The following ABCC5 variants were observed in gnomAD, a reference collection of about 807,000 sequenced individuals.
ABCC5 encodes ATP binding cassette subfamily C member 5, also known as ATP-binding cassette sub-family C member 5.
Under a neutral mutation model 160.9 loss-of-function variants are expected in ABCC5, and 61 were observed. That is an observed-to-expected ratio of 0.38 (90% CI 0.31 to 0.47). The LOEUF (loss-of-function observed/expected upper bound fraction) is 0.47, where lower values mean the gene tolerates loss of function less well. Ranked by LOEUF, ABCC5 falls within the 20% of genes least tolerant of loss-of-function variation. The pLI, the probability that ABCC5 is intolerant of heterozygous loss-of-function variation, is 0.99. For missense variants in ABCC5, 1,308 were observed against 1,813.3 expected, an observed-to-expected ratio of 0.72 and a Z score of 5.06; for synonymous variants, 666 against 700.6, an observed-to-expected ratio of 0.95 and a Z score of 0.78.
chr3:184,013,335 A>G (rs900070116), intron 2 of ABCC5, among the ~76,000 whole-genome samples: 2 of 152,070 alleles, frequency 1.3e-5, no homozygotes, highest in Admixed American at 1.3e-4. Flanking sequence ...GGCTCACTGC[A>G]ACCTCTGCCT....
chr3:184,017,628 G>A lies in ABCC5; in HGVS notation c.-56+202C>T, dbSNP rs976178040. Among the ~76,000 whole-genome samples, 4 of 150,178 alleles carry A rather than the reference G, an allele frequency of 2.7e-5. 1 individual carries two copies. Among genetic ancestry groups the A allele is most frequent in the Admixed American group, 1.3e-4 (2 of 15,004 alleles). ...TGCCTGTCTTCCAGCACACGACCCC[G>A]TCACCAGACCCCGGGCTCACAGGCC... On this transcript the variant is annotated intron_variant, in intron 1 of 29. Transcript: ENST00000334444. The surrounding 1 kb of genome is among the most constrained non-coding windows in gnomAD (Gnocchi z 4.5).
chr3:183,925,852 T>A, intron 28 of ABCC5, 133 bp from the exon 29 acceptor site: 2 of 1,061,522 alleles, frequency 1.9e-6, no homozygotes, highest in Non-Finnish European at 1.3e-6. Flanking sequence ...TTTTTTTTTT[T>A]TTTTGAGACG....
chr3:183,921,645 T>C lies in ABCC5; in HGVS notation c.4213-244A>G, dbSNP rs377361556. Among the ~76,000 whole-genome samples, 4 of 145,806 alleles carry C rather than the reference T, an allele frequency of 2.7e-5. No homozygotes were observed. The highest frequency in any genetic ancestry group is 3.0e-5 in the Non-Finnish European group (2 of 66,526). Reference sequence around the variant, plus strand: ...GGTTTTGCCTAATAAAGTAGTATCATAGCAAAAAAAAAAAAAGAAAACGAC... The same window carrying C: ...GGTTTTGCCTAATAAAGTAGTATCACAGCAAAAAAAAAAAAAGAAAACGAC... On this transcript the variant is annotated intron_variant, in intron 29 of 29. Transcript: ENST00000334444. The surrounding 1 kb of genome is among the most constrained non-coding windows in gnomAD (Gnocchi z 4.1).
intron 10 of ABCC5, among the ~76,000 whole-genome samples, chr3:183,976,652 A>C (rs1055922912): frequency 6.6e-6 from 1 of 152,160 alleles, no homozygotes; most frequent in Non-Finnish European, 1.5e-5. Flanking sequence ...GTTTCTTAAG[A>C]AGAAAATCCA....
intron 17 of ABCC5, among the ~76,000 whole-genome samples, chr3:183,956,542 A>G (rs1355969444): frequency 4.0e-5 from 6 of 149,232 alleles, no homozygotes; most frequent in Admixed American, 1.3e-4. Context: ...ATCAGTGTGT[A>G]TATCACATCG....
intron 18 of ABCC5, 104 bp from the exon 19 acceptor site, chr3:183,952,107 G>T: frequency 2.6e-6 from 3 of 1,144,156 alleles, no homozygotes; most frequent in South Asian, 1.8e-5. Context: ...ACAGGATAAT[G>T]ACCCACCCTG....
Position 183,956,296 on chromosome 3 carries a change from T to C in ABCC5, c.2483-3026A>G, listed in dbSNP as rs13077275. ...TGCAGATCCGTGTGTATATCACATC[T>C]GTTACATGCAGATCCGTGTGTAAAT... On this transcript the variant is annotated intron_variant, in intron 17 of 29. Transcript: ENST00000334444. 5.6e-3 allele frequency among the ~76,000 whole-genome samples: 680 copies of C among 121,286 alleles called. 4 individuals carry two copies. The highest frequency in any genetic ancestry group is 0.021 in the African/African-American group (652 of 31,144). The allele number at this position is 121,286 out of a possible 152,430, so 79.6% of individuals were successfully genotyped here.
chr3:183,984,550 C>T (rs1719033421), intron 5 of ABCC5: 1 of 1,219,606 alleles, frequency 8.2e-7, no homozygotes, highest in Non-Finnish European at 1.0e-6. Context: ...ACCAGATGTC[C>T]ACTAGGTCCT....
At chr3:183,952,144 CTT>C (rs34905378) in intron 18 of ABCC5, 141 bp from the exon 19 acceptor site, 92,550 of 368,704 alleles carry the variant, frequency 0.25, 3,859 homozygotes, top group Middle Eastern at 0.27. Flanking sequence ...TTGTCCACCT[CTT>C]TTTTTTTTTT....
At chr3:184,003,567 C>T (rs1156882513) in intron 2 of ABCC5, among the ~76,000 whole-genome samples, 1 of 152,238 alleles carries the variant, frequency 6.6e-6, no homozygotes, top group Non-Finnish European at 1.5e-5. Context: ...AGTCCTATCA[C>T]TCAACAGCTA....
intron 17 of ABCC5, among the ~76,000 whole-genome samples, chr3:183,957,927 C>T (rs1346956406): frequency 6.7e-6 from 1 of 149,440 alleles, no homozygotes; most frequent in Non-Finnish European, 1.5e-5. Context: ...TATATCACAT[C>T]GGTTACATGC....
chr3:184,004,944 G>A (rs1159720839), intron 2 of ABCC5, among the ~76,000 whole-genome samples: 2 of 152,166 alleles, frequency 1.3e-5, no homozygotes, highest in Non-Finnish European at 2.9e-5. Context: ...TTTTTAGCGA[G>A]ATTTGCTTTT....
intron 16 of ABCC5, among the ~76,000 whole-genome samples, chr3:183,961,273 T>C (rs1716707584): frequency 6.6e-6 from 1 of 152,124 alleles, no homozygotes; most frequent in Non-Finnish European, 1.5e-5. Context: ...TCCCTGCCAT[T>C]GTCATATTAG....
chr3:183,923,271 C>T (rs532494674), intron 29 of ABCC5, among the ~76,000 whole-genome samples: 1 of 152,028 alleles, frequency 6.6e-6, no homozygotes, highest in African/African-American at 2.4e-5. Flanking sequence ...AATGGGCTCC[C>T]CACTCCAAAA....
At chr3:184,001,215 C>A (rs773039896) in intron 2 of ABCC5, 27 of 527,246 alleles carry the variant, frequency 5.1e-5, no homozygotes, top group Middle Eastern at 4.9e-4. Context: ...GTCATGCCAC[C>A]GCACTACAGT....
chr3:183,953,677 G>A (rs1271845294), intron 17 of ABCC5, among the ~76,000 whole-genome samples: 2 of 152,162 alleles, frequency 1.3e-5, no homozygotes, highest in African/African-American at 2.4e-5. Context: ...TGGTTGGCAG[G>A]CATGTTTCAG....
At position 183,945,394 on chromosome 3, in the gene ABCC5, G is replaced by A. The variant is rs190334603; in HGVS notation, c.3504+456C>T. 1.9e-3 allele frequency among the ~76,000 whole-genome samples: 285 copies of A among 152,292 alleles called. 1 individual carries two copies. The Middle Eastern group carries it at 0.031, about 16-fold the overall frequency. On this transcript the variant is annotated intron_variant, in intron 24 of 29. Coordinates refer to ENST00000334444, the MANE Select transcript of ABCC5 (RefSeq NM_005688.4). ...AGAGCAGTTTAGAATTCGCTATGGAGCTTTTCAAACTATAGAAGCCTGGGT... is the reference window on the plus strand; with the variant it reads ...AGAGCAGTTTAGAATTCGCTATGGAACTTTTCAAACTATAGAAGCCTGGGT...
intron 29 of ABCC5, 52 bp downstream of exon 29, chr3:183,925,503 G>T: frequency 6.3e-7 from 1 of 1,597,182 alleles, no homozygotes; most frequent in Non-Finnish European, 8.5e-7. Flanking sequence ...CCCTGCCAGG[G>T]GCCAGTTTCC....
At chr3:183,977,925 G>T (rs1718366678) in intron 9 of ABCC5, among the ~76,000 whole-genome samples, 1 of 152,020 alleles carries the variant, frequency 6.6e-6, no homozygotes, top group African/African-American at 2.4e-5. Flanking sequence ...GCTAATTTTT[G>T]TATTTTTAGT....
Sources: allele counts gnomAD v4.1 joint callset (sites outside exome capture counted in the v4.1 genomes callset), GRCh38; gene constraint gnomAD v4.1.1; non-coding constraint Gnocchi (gnomAD v3.1); transcripts MANE v1.5; gene names NCBI Gene and HGNC (gene_info 2026-07-23, HGNC 2026-07-21).